USP49: variants seen among roughly 807,000 people sequenced by gnomAD.
USP49 encodes the protein ubiquitin carboxyl-terminal hydrolase 49.
Under a neutral mutation model 58.6 loss-of-function variants are expected in USP49, and 24 were observed. That is an observed-to-expected ratio of 0.41 (90% CI 0.30 to 0.58). USP49 has a LOEUF of 0.58. Ranked by LOEUF, USP49 falls within the 20% of genes least tolerant of loss-of-function variation. The probability of loss-of-function intolerance (pLI) is 0.30; values close to 1 mark genes in which losing one functional copy is unlikely to be tolerated. For missense variants in USP49, 703 were observed against 866.1 expected (o/e 0.81, Z 2.36); for synonymous variants, 408 against 365.1 (o/e 1.12, Z -1.34).
At chr6:41,887,991 C>T (rs564543131) in intron 2 of USP49, among the ~76,000 whole-genome samples, 3 of 147,174 alleles carry the variant, frequency 2.0e-5, no homozygotes, top group Admixed American at 2.0e-4. Context: ...GCTTTCCAAA[C>T]AATTTGTAAT....
At chr6:41,809,879 C>T (rs1773216369) in intron 3 of USP49, among the ~76,000 whole-genome samples, 2 of 149,432 alleles carry the variant, frequency 1.3e-5, no homozygotes, top group African/African-American at 4.9e-5. Flanking sequence ...AGGCCGGGCG[C>T]GGTGGCTCAC....
At chr6:41,874,418 C>G (rs1404283289) in intron 2 of USP49, among the ~76,000 whole-genome samples, 4 of 152,108 alleles carry the variant, frequency 2.6e-5, no homozygotes, top group Non-Finnish European at 5.9e-5. Context: ...TCTTATTCTG[C>G]CAAACAATAA....
chr6:41,847,504 A>G (rs775188493), intron 3 of USP49, among the ~76,000 whole-genome samples: 1 of 152,144 alleles, frequency 6.6e-6, no homozygotes, highest in Non-Finnish European at 1.5e-5. Flanking sequence ...TCACGAGGTC[A>G]AGAGGTTGAG....
At chr6:41,802,444 A>T (rs1386076404) in intron 5 of USP49, among the ~76,000 whole-genome samples, 14 of 50,698 alleles carry the variant, frequency 2.8e-4, no homozygotes, top group African/African-American at 4.4e-4. Flanking sequence ...TTATTTATTT[A>T]TTTATTTATT....
At position 41,836,925 on chromosome 6, in the gene USP49, A is replaced by G. The variant is rs565865672; in HGVS notation, c.-28-29914T>C. Among the ~76,000 whole-genome samples, 3 of 152,238 alleles carry G rather than the reference A, an allele frequency of 2.0e-5. No homozygotes were observed. In the South Asian group the frequency reaches 6.2e-4, roughly 32 times the overall value. On this transcript the variant is annotated intron_variant, in intron 3 of 7. Coordinates refer to ENST00000682992, the MANE Select transcript of USP49 (RefSeq NM_001286554.2). ...CTAATCAGGGAGGTGAAAGATCTCT[A>G]CAGCGAGAATTACAACACTGCTCAA...
chr6:41,803,914 C>T lies in USP49; in HGVS notation c.1453G>A (p.Gly485Arg), dbSNP rs1773063430. The T allele has an allele frequency of 1.9e-6, 3 of 1,614,172 alleles. No homozygotes were observed. Among genetic ancestry groups the T allele is most frequent in the Non-Finnish European group, 1.7e-6 (2 of 1,180,044 alleles). Residue 485 changes from glycine to arginine, a missense_variant, in exon 5 of 8, where the codon GGG becomes AGG. Transcript: ENST00000682992. This position sits in a 1 kb window ranked among gnomAD's most constrained non-coding sequence, Gnocchi z 4.1. ...FPERYHCIEKGFVPLNQTECL... is the reference protein window; with the variant it reads ...FPERYHCIEKRFVPLNQTECL... The stretch of plus-strand genomic sequence containing the variant: ...TCTGTTTGATTCAAAGGGACAAACC[C>T]CTTTTCTATGCAGTGATAGCGTTCA...
intron 2 of USP49, among the ~76,000 whole-genome samples, chr6:41,888,938 A>C (rs1429606498): frequency 1.3e-5 from 2 of 152,156 alleles, no homozygotes; most frequent in Non-Finnish European, 2.9e-5. Context: ...CCCAAAATTT[A>C]GGTTTATTTG....
intron 5 of USP49, among the ~76,000 whole-genome samples, chr6:41,800,756 T>G (rs1028099295): frequency 6.6e-6 from 1 of 152,208 alleles, no homozygotes; most frequent in African/African-American, 2.4e-5. Context: ...AAAAAAAGGA[T>G]AAGATTACTA....
chr6:41,796,975 A>T (rs1772898167), intron 7 of USP49, among the ~76,000 whole-genome samples: 1 of 126,800 alleles, frequency 7.9e-6, no homozygotes, highest in Non-Finnish European at 1.6e-5. Context: ...TTTGAGACAG[A>T]GTCTCGCTCT....
At chr6:41,800,053 T>A in intron 5 of USP49, 115 bp from the exon 6 acceptor site, 1 of 923,876 alleles carries the variant, frequency 1.1e-6, no homozygotes, top group Non-Finnish European at 1.7e-6. Flanking sequence ...TATCTGAACC[T>A]CAATTTTTTG....
intron 3 of USP49, among the ~76,000 whole-genome samples, chr6:41,869,440 G>C (rs1310087065): frequency 6.6e-6 from 1 of 152,128 alleles, no homozygotes; most frequent in African/African-American, 2.4e-5. Context: ...GCTGGGTGCA[G>C]TGGCTCATGC....
chr6:41,864,075 A>G (rs1265021952), intron 3 of USP49, among the ~76,000 whole-genome samples: 1 of 152,074 alleles, frequency 6.6e-6, no homozygotes, highest in Non-Finnish European at 1.5e-5. Flanking sequence ...ATAAACCTCA[A>G]CAGAATTTGA....
At chr6:41,838,604 T>A (rs1222538038) in intron 3 of USP49, among the ~76,000 whole-genome samples, 2 of 152,192 alleles carry the variant, frequency 1.3e-5, no homozygotes, top group Admixed American at 6.5e-5. Flanking sequence ...CTCTGTGGTA[T>A]AAATAAATCT....
intron 3 of USP49, among the ~76,000 whole-genome samples, chr6:41,870,122 G>C (rs1242858539): frequency 6.6e-6 from 1 of 152,172 alleles, no homozygotes; most frequent in African/African-American, 2.4e-5. Flanking sequence ...CACATAAAAA[G>C]GCTAACTGGG....
At chr6:41,831,376 C>A (rs910890645) in intron 3 of USP49, among the ~76,000 whole-genome samples, 22 of 150,002 alleles carry the variant, frequency 1.5e-4, no homozygotes, top group African/African-American at 4.9e-4. Flanking sequence ...GGCAACAGAG[C>A]GAGACTCCAT....
At position 41,819,312 on chromosome 6, in the gene USP49, G is replaced by C. The variant is rs1006415872; in HGVS notation, c.-28-12301C>G. Among the ~76,000 whole-genome samples, 5 of 152,036 alleles carry C rather than the reference G, an allele frequency of 3.3e-5. No homozygotes were observed. The East Asian group carries it at 5.8e-4, about 18-fold the overall frequency. ...ACAAGGTCCGAACTAATGGCTCCCT[G>C]TTCTCTACTGCCACATGGGAAAATT... On this transcript the variant is annotated intron_variant, in intron 3 of 7. Transcript: ENST00000682992.
chr6:41,816,378 A>G (rs1247705704), intron 3 of USP49, among the ~76,000 whole-genome samples: 1 of 151,878 alleles, frequency 6.6e-6, no homozygotes. Flanking sequence ...CCCCATCCAC[A>G]TTTTTTCTAC....
At chr6:41,842,237 G>T (rs1005174995) in intron 3 of USP49, among the ~76,000 whole-genome samples, 18 of 151,890 alleles carry the variant, frequency 1.2e-4, no homozygotes, top group African/African-American at 4.4e-4. Context: ...GCTGGGTGTG[G>T]TGGCTCACAC....
chr6:41,853,203 G>A (rs1025679805), intron 3 of USP49, among the ~76,000 whole-genome samples: 1 of 152,092 alleles, frequency 6.6e-6, no homozygotes, highest in Non-Finnish European at 1.5e-5. Context: ...AAAGAGCTGG[G>A]GGGGAGAATT....
Sources: allele counts gnomAD v4.1 joint callset (sites outside exome capture counted in the v4.1 genomes callset), GRCh38; gene constraint gnomAD v4.1.1; non-coding constraint Gnocchi (gnomAD v3.1); transcripts MANE v1.5; gene names NCBI Gene and HGNC (gene_info 2026-07-23, HGNC 2026-07-21).